Variants in RALYL observed in about 807,000 individuals in gnomAD.
RALYL encodes the protein RALY RNA binding protein like.
In RALYL, 29 loss-of-function variants were observed where a neutral mutation model predicts 35.1. The ratio of observed to expected loss-of-function variants is 0.83; its 90% CI spans 0.61 to 1.13. The LOEUF (loss-of-function observed/expected upper bound fraction) is 1.13, where lower values mean the gene tolerates loss of function less well. Among genes scored for constraint, RALYL ranks in the 50% most tolerant of loss-of-function variants. RALYL has a pLI of 0.00. For synonymous variants in RALYL, 120 were observed against 127.6 expected, an observed-to-expected ratio of 0.94 and a Z score of 0.40; for missense variants, 359 against 360.4, an observed-to-expected ratio of 1.00 and a Z score of 0.03.
intron 1 of RALYL, among the ~76,000 whole-genome samples, chr8:84,514,456 T>C (rs2134489040): frequency 1.3e-5 from 2 of 152,300 alleles, no homozygotes; most frequent in Middle Eastern, 3.4e-3. Flanking sequence ...AGTCCATGAT[T>C]AGGGAACCAG....
At chr8:84,718,122 A>G (rs1843240530) in intron 2 of RALYL, among the ~76,000 whole-genome samples, 1 of 152,168 alleles carries the variant, frequency 6.6e-6, no homozygotes. Context: ...AAATTTTATT[A>G]TCTTCTGTCT....
intron 2 of RALYL, among the ~76,000 whole-genome samples, chr8:84,606,135 G>A (rs985642103): frequency 1.3e-5 from 2 of 151,952 alleles, no homozygotes; most frequent in Non-Finnish European, 2.9e-5. Context: ...ACTTCTTTTG[G>A]TATTCCCCTA....
intron 1 of RALYL, among the ~76,000 whole-genome samples, chr8:84,212,830 A>G (rs1465025683): frequency 6.6e-6 from 1 of 152,200 alleles, no homozygotes; most frequent in African/African-American, 2.4e-5. Context: ...GTCTGAAACA[A>G]GCTGTTTTAT....
chr8:84,547,432 A>C (rs552281903), intron 2 of RALYL, among the ~76,000 whole-genome samples: 4 of 151,520 alleles, frequency 2.6e-5, no homozygotes, highest in African/African-American at 9.7e-5. Context: ...GCTGGAGTGC[A>C]GTGATGCGAT....
In RALYL at chr8:84,803,911, T is replaced by G. The variant is rs868575212; in HGVS notation, c.333-859T>G. 8.3e-4 allele frequency among the ~76,000 whole-genome samples: 126 copies of G among 152,354 alleles called. 1 individual carries two copies. Among genetic ancestry groups the G allele is most frequent in the African/African-American group, 2.7e-3 (112 of 41,582 alleles). On this transcript the variant is annotated intron_variant, in intron 3 of 8. Coordinates refer to ENST00000521268, the MANE Select transcript of RALYL (RefSeq NM_173848.7). The stretch of plus-strand genomic sequence containing the variant: ...ACACCAGGATTTAGTTAAAAATATC[T>G]TCAGTTCGCCTACATTTCACCCTTA...
chr8:84,460,003 A>G (rs1381716733), intron 1 of RALYL, among the ~76,000 whole-genome samples: 1 of 151,774 alleles, frequency 6.6e-6, no homozygotes. Flanking sequence ...AAAAACAGGA[A>G]CAAGGTTTAA....
chr8:84,326,725 A>G (rs1845867696), intron 1 of RALYL, among the ~76,000 whole-genome samples: 1 of 152,220 alleles, frequency 6.6e-6, no homozygotes. Flanking sequence ...AAATGCAATT[A>G]TATGTGACAG....
At chr8:84,603,096 A>G (rs550085427) in intron 2 of RALYL, among the ~76,000 whole-genome samples, 2 of 152,218 alleles carry the variant, frequency 1.3e-5, no homozygotes, top group Non-Finnish European at 1.5e-5. Flanking sequence ...GGTAAATTTT[A>G]TATGTATATT....
intron 2 of RALYL, among the ~76,000 whole-genome samples, chr8:84,725,775 C>A (rs957521214): frequency 9.9e-5 from 15 of 151,650 alleles, no homozygotes; most frequent in African/African-American, 3.4e-4. Context: ...CCTATATACT[C>A]TTTTCATAAA....
chr8:84,349,240 A>G (rs1345531597), intron 1 of RALYL, among the ~76,000 whole-genome samples: 2 of 150,348 alleles, frequency 1.3e-5, no homozygotes, highest in African/African-American at 4.9e-5. Context: ...AACACTTACC[A>G]CCCATCCCTC....
At chr8:84,681,375 A>T (rs948730904) in intron 2 of RALYL, among the ~76,000 whole-genome samples, 19 of 152,302 alleles carry the variant, frequency 1.2e-4, no homozygotes, top group African/African-American at 4.3e-4. Context: ...AGTTTTTTCC[A>T]ATTCTGTGAA....
intron 1 of RALYL, among the ~76,000 whole-genome samples, chr8:84,323,347 A>G (rs1348450783): frequency 1.3e-5 from 2 of 152,100 alleles, no homozygotes; most frequent in Non-Finnish European, 2.9e-5. Context: ...ACTCTAATGT[A>G]TCATAAATTT....
chr8:84,294,805 T>C (rs1220285533), intron 1 of RALYL, among the ~76,000 whole-genome samples: 3 of 152,004 alleles, frequency 2.0e-5, no homozygotes, highest in Non-Finnish European at 4.4e-5. Flanking sequence ...AGTTTTGCTC[T>C]GATTGGAGGT....
chr8:84,250,016 A>ATT (rs1009866706), intron 1 of RALYL, among the ~76,000 whole-genome samples: 33 of 152,060 alleles, frequency 2.2e-4, no homozygotes, highest in Non-Finnish European at 3.8e-4. Context: ...GGGATTTCTA[A>ATT]TTTTATTCGT....
intron 2 of RALYL, among the ~76,000 whole-genome samples, chr8:84,756,798 G>T (rs191869000): frequency 3.7e-4 from 56 of 151,180 alleles, no homozygotes; most frequent in African/African-American, 1.3e-3. Flanking sequence ...TTTATTAGCA[G>T]AACTAATTGA....
intron 1 of RALYL, among the ~76,000 whole-genome samples, chr8:84,209,961 G>C (rs1415829997): frequency 6.6e-6 from 1 of 152,076 alleles, no homozygotes; most frequent in African/African-American, 2.4e-5. Context: ...AACCTATGTA[G>C]TGTGATTATG....
intron 1 of RALYL, among the ~76,000 whole-genome samples, chr8:84,464,392 T>C (rs2051252571): frequency 6.6e-6 from 1 of 151,190 alleles, no homozygotes; most frequent in Non-Finnish European, 1.5e-5. Context: ...ATATGCGGTG[T>C]TTGGTTTTTT....
intron 2 of RALYL, among the ~76,000 whole-genome samples, chr8:84,585,244 A>C (rs1015428363): frequency 6.6e-6 from 1 of 152,170 alleles, no homozygotes; most frequent in African/African-American, 2.4e-5. Context: ...TGAATGCATT[A>C]ACCTTCTTTC....
chr8:84,866,055 A>G (rs1839121864), intron 6 of RALYL, among the ~76,000 whole-genome samples: 1 of 152,186 alleles, frequency 6.6e-6, no homozygotes, highest in Non-Finnish European at 1.5e-5. Flanking sequence ...ATTCCCATCC[A>G]TCCATTATCC....
Sources: allele counts gnomAD v4.1 joint callset (sites outside exome capture counted in the v4.1 genomes callset), GRCh38; gene constraint gnomAD v4.1.1; transcripts MANE v1.5; gene names NCBI Gene and HGNC (gene_info 2026-07-23, HGNC 2026-07-21).